WWP2: variants seen among roughly 807,000 people sequenced by gnomAD.
The protein encoded by WWP2 is WW domain containing E3 ubiquitin protein ligase 2.
Under a neutral mutation model 121.0 loss-of-function variants are expected in WWP2, and 57 were observed. The ratio of observed to expected loss-of-function variants is 0.47; its 90% confidence interval spans 0.38 to 0.59. WWP2 has a LOEUF of 0.59. Ranked by LOEUF, WWP2 falls within the 20% of genes least tolerant of loss-of-function variation. WWP2 has a pLI of 0.00. For synonymous variants in WWP2, 449 were observed against 441.3 expected (o/e 1.02, Z -0.22); for missense variants, 962 against 1,158.9 (o/e 0.83, Z 2.47).
chr16:69,854,472 G>A (rs1014069228), intron 6 of WWP2, among the ~76,000 whole-genome samples: 4 of 152,106 alleles, frequency 2.6e-5, no homozygotes, highest in African/African-American at 9.7e-5. Flanking sequence ...TGCCTTTCTG[G>A]TGGCATTTAA....
chr16:69,804,116 T>C (rs372823811), intron 4 of WWP2, among the ~76,000 whole-genome samples: 1 of 152,248 alleles, frequency 6.6e-6, no homozygotes, highest in African/African-American at 2.4e-5. Context: ...ATTCTTCGTC[T>C]TACCATTTGT....
intron 4 of WWP2, among the ~76,000 whole-genome samples, chr16:69,835,477 T>C (rs1222203783): frequency 6.6e-6 from 1 of 152,210 alleles, no homozygotes; most frequent in Non-Finnish European, 1.5e-5. Context: ...AAAAAAACCT[T>C]TCCCCAATGT....
At chr16:69,785,193 A>G (rs974505081) in intron 1 of WWP2, among the ~76,000 whole-genome samples, 3 of 147,756 alleles carry the variant, frequency 2.0e-5, no homozygotes, top group Non-Finnish European at 3.0e-5. Context: ...AGATTGTGCT[A>G]CTGTACCACT....
At chr16:69,765,731 C>T (rs1451935147) in intron 1 of WWP2, among the ~76,000 whole-genome samples, 2 of 152,070 alleles carry the variant, frequency 1.3e-5, no homozygotes, top group Non-Finnish European at 2.9e-5. Context: ...GGCTGAGGCA[C>T]GAGAATTGCT....
At chr16:69,866,687 A>G (rs1296409757) in intron 6 of WWP2, among the ~76,000 whole-genome samples, 1 of 152,162 alleles carries the variant, frequency 6.6e-6, no homozygotes, top group African/African-American at 2.4e-5. Flanking sequence ...TGCATATACC[A>G]TACTTTATCC....
chr16:69,908,521 C>T (rs1306281532), intron 8 of WWP2, among the ~76,000 whole-genome samples: 1 of 152,208 alleles, frequency 6.6e-6, no homozygotes, highest in Non-Finnish European at 1.5e-5. Flanking sequence ...TTAGAGTGAT[C>T]TATAGTGGAT....
intron 4 of WWP2, among the ~76,000 whole-genome samples, chr16:69,803,604 A>G: frequency 6.6e-6 from 1 of 152,106 alleles, no homozygotes; most frequent in Admixed American, 6.6e-5. Context: ...GTGTGAAAGC[A>G]AATTTGTTAA....
chr16:69,924,857 C>T (rs1453877526), intron 10 of WWP2: 23 of 903,576 alleles, frequency 2.5e-5, no homozygotes, highest in South Asian at 1.0e-4. Context: ...TCTGGGTGGA[C>T]GCTGCACACC....
chr16:69,904,331 G>A (rs2058253436), intron 8 of WWP2, among the ~76,000 whole-genome samples: 1 of 151,996 alleles, frequency 6.6e-6, no homozygotes, highest in Admixed American at 6.6e-5. Flanking sequence ...AAATCAGAAG[G>A]GCATTCAGAG....
chr16:69,875,248 A>G (rs1597093220), intron 7 of WWP2, among the ~76,000 whole-genome samples: 1 of 152,244 alleles, frequency 6.6e-6, no homozygotes, highest in South Asian at 2.1e-4. Flanking sequence ...TGTCTAAAAA[A>G]TGTATACACT....
At chr16:69,934,910 G>A (rs1252941387) in intron 17 of WWP2, among the ~76,000 whole-genome samples, 4 of 152,190 alleles carry the variant, frequency 2.6e-5, no homozygotes, top group Admixed American at 6.5e-5. Flanking sequence ...TTCACGCCAC[G>A]CTGCCTCCTG....
Position 69,799,261 on chromosome 16 carries a change from C to T in WWP2, c.306C>T (p.Asn102=). 6.2e-7 allele frequency: 1 copy of T among 1,614,148 alleles called. No homozygotes were observed. The highest frequency in any genetic ancestry group is 1.1e-5 in the South Asian group (1 of 91,082). Residue 102 remains asparagine (N), a synonymous_variant, in exon 4 of 24, where the codon AAC becomes AAT. Transcript: ENST00000359154. This position sits in a 1 kb window ranked among gnomAD's most constrained non-coding sequence, Gnocchi z 4.5. ...RNELLGTASV[N]LSNVLKNNGG... ...AACTGCTAGGCACCGCATCTGTCAA[C>T]CTCTCCAACGTCTTGAAGAACAATG... is the stretch of plus-strand genomic sequence containing the variant.
Position 69,871,789 on chromosome 16 carries a change from A to G in WWP2, c.576-15A>G. On this transcript the variant is annotated splice_polypyrimidine_tract_variant and intron_variant, in intron 6 of 23. Transcript: ENST00000359154. ...AGTGACTTATGTCTGTCTGCTTTCT[A>G]CTTTGAACCCCCAGGACGCACAGAC... 6.2e-7 allele frequency: 1 copy of G among 1,613,782 alleles called. No homozygotes were observed. The highest frequency in any genetic ancestry group is 8.5e-7 in the Non-Finnish European group (1 of 1,179,936).
intron 2 of WWP2, 102 bp from the exon 3 acceptor site, chr16:69,798,580 A>AT: frequency 7.4e-7 from 1 of 1,347,544 alleles, no homozygotes; most frequent in Non-Finnish European, 9.9e-7. Context: ...GTATTGATTT[A>AT]TTTTTTAAAG....
intron 1 of WWP2, among the ~76,000 whole-genome samples, chr16:69,765,804 A>G (rs1053544413): frequency 1.3e-5 from 2 of 152,120 alleles, no homozygotes; most frequent in Admixed American, 6.5e-5. Context: ...AGCCTAGGTG[A>G]TGAAGTGAGA....
intron 7 of WWP2, among the ~76,000 whole-genome samples, chr16:69,881,140 CA>C (rs2057821582): frequency 6.6e-6 from 1 of 152,186 alleles, no homozygotes; most frequent in South Asian, 2.1e-4. Context: ...TACTGCTTAC[CA>C]TTTGGTACCC....
At chr16:69,869,390 A>ATT (rs1183553293) in intron 6 of WWP2, among the ~76,000 whole-genome samples, 2 of 143,254 alleles carry the variant, frequency 1.4e-5, no homozygotes, top group African/African-American at 2.6e-5. Context: ...GAAAAACTTA[A>ATT]TTTTTTTTTT....
At chr16:69,874,675 G>A (rs140238234) in intron 7 of WWP2, among the ~76,000 whole-genome samples, 9 of 152,130 alleles carry the variant, frequency 5.9e-5, no homozygotes, top group Middle Eastern at 3.4e-3. Context: ...ACTTGTATGG[G>A]ATGATTTACT....
intron 8 of WWP2, among the ~76,000 whole-genome samples, chr16:69,889,601 G>A (rs1408960084): frequency 6.6e-6 from 1 of 152,200 alleles, no homozygotes; most frequent in Non-Finnish European, 1.5e-5. Context: ...TGATTGGTGG[G>A]TGTTACACCT....
Sources: allele counts gnomAD v4.1 joint callset (sites outside exome capture counted in the v4.1 genomes callset), GRCh38; gene constraint gnomAD v4.1.1; non-coding constraint Gnocchi (gnomAD v3.1); transcripts MANE v1.5; gene names NCBI Gene and HGNC (gene_info 2026-07-23, HGNC 2026-07-21).